The following ANKRD6 variants were observed in gnomAD, a reference collection of about 807,000 sequenced individuals.
The protein encoded by ANKRD6 is ankyrin repeat domain 6.
Under a neutral mutation model 82.3 loss-of-function variants are expected in ANKRD6, and 56 were observed. The observed-to-expected ratio is 0.68, with a 90% CI of 0.55 to 0.85. ANKRD6 has a LOEUF of 0.85. Among genes scored for constraint, ANKRD6 ranks in the 40% least tolerant of loss-of-function variants. The pLI is 0.00. For missense variants in ANKRD6, 852 were observed against 907.6 expected (o/e 0.94, Z 0.79); for synonymous variants, 347 against 352.1 (o/e 0.99, Z 0.16).
chr6:89,603,032 G>A lies in ANKRD6; in HGVS notation c.223G>A (p.Asp75Asn). The change falls in exon 4 of 16, where the codon GAC becomes AAC. Residue 75 changes from aspartate (D) to asparagine (N), a missense_variant. By Grantham distance (23) the Asp-to-Asn change is conservative. Coordinates refer to ENST00000339746, the MANE Select transcript of ANKRD6 (RefSeq NM_001242809.2). ...GCDLDVQDDG[D>N]QTALHRATVV... ...CTGCCTTTGTGTCACTTTGCAGGGG[G>A]ACCAGACCGCCTTGCACCGGGCCAC... 6.2e-7 allele frequency: 1 copy of A among 1,602,014 alleles called. No homozygotes were observed. The highest frequency in any genetic ancestry group is 8.5e-7 in the Non-Finnish European group (1 of 1,174,760).
intron 3 of ANKRD6, among the ~76,000 whole-genome samples, chr6:89,601,201 G>A (rs1797068674): frequency 6.6e-6 from 1 of 152,120 alleles, no homozygotes; most frequent in South Asian, 2.1e-4. Flanking sequence ...ACCACTGCAA[G>A]GGTTCTCTTT....
intron 1 of ANKRD6, among the ~76,000 whole-genome samples, chr6:89,487,786 ACT>A (rs1167237774): frequency 6.6e-6 from 1 of 152,054 alleles, no homozygotes; most frequent in South Asian, 2.1e-4. Context: ...TAGTCCTCAG[ACT>A]CTCTTCCCTG....
At chr6:89,480,033 T>C (rs1228963013) in intron 1 of ANKRD6, among the ~76,000 whole-genome samples, 1 of 152,206 alleles carries the variant, frequency 6.6e-6, no homozygotes, top group Non-Finnish European at 1.5e-5. Flanking sequence ...CCCTTTTCTT[T>C]AAGTTCCTCC....
At chr6:89,608,731 C>T (rs1227945715) in intron 5 of ANKRD6, among the ~76,000 whole-genome samples, 1 of 152,124 alleles carries the variant, frequency 6.6e-6, no homozygotes, top group Non-Finnish European at 1.5e-5. Context: ...CCTCTCCAGT[C>T]CCTCATTACA....
chr6:89,579,470 G>A (rs1048038649), intron 2 of ANKRD6, among the ~76,000 whole-genome samples: 6 of 152,060 alleles, frequency 3.9e-5, no homozygotes, highest in African/African-American at 7.2e-5. Context: ...TCATGAGATC[G>A]CCATCAAGAC....
chr6:89,464,502 G>A (rs935161202), intron 1 of ANKRD6, among the ~76,000 whole-genome samples: 4 of 152,150 alleles, frequency 2.6e-5, no homozygotes, highest in Non-Finnish European at 4.4e-5. Context: ...CCTTTGTTTG[G>A]AGGCTAGAGC....
Position 89,613,877 on chromosome 6 carries a change from A to T in ANKRD6, c.602A>T (p.His201Leu), listed in dbSNP as rs1800842303. The T allele has an allele frequency of 6.2e-7, 1 of 1,613,844 alleles. No homozygotes were observed. The highest frequency in any genetic ancestry group is 8.5e-7 in the Non-Finnish European group (1 of 1,179,870). Residue 201 changes from histidine to leucine, a missense_variant, in exon 7 of 16, where the codon CAT (histidine) becomes CTT (leucine). Physicochemically the swap from His to Leu is moderately conservative, Grantham distance 99. Coordinates refer to ENST00000339746, the MANE Select transcript of ANKRD6 (RefSeq NM_001242809.2). Reference protein sequence around the residue: ...RLLLTAFCSVHEKNQAGDTAL... With the variant: ...RLLLTAFCSVLEKNQAGDTAL... ...CTCCTCACTGCTTTCTGTTCTGTCC[A>T]TGAAAAGAACCAGGTCAGTGCATGT... is the stretch of plus-strand genomic sequence containing the variant.
intron 2 of ANKRD6, among the ~76,000 whole-genome samples, chr6:89,590,632 A>C (rs891183617): frequency 6.6e-6 from 1 of 152,178 alleles, no homozygotes; most frequent in Non-Finnish European, 1.5e-5. Flanking sequence ...TGAGCTTCCT[A>C]AGGGTGAGAC....
At chr6:89,492,920 G>T (rs1054149380) in intron 1 of ANKRD6, among the ~76,000 whole-genome samples, 1 of 152,182 alleles carries the variant, frequency 6.6e-6, no homozygotes, top group Non-Finnish European at 1.5e-5. Context: ...TTCCTAAGCT[G>T]CATGACACAT....
chr6:89,446,344 C>A (rs543203444), intron 1 of ANKRD6, among the ~76,000 whole-genome samples: 2 of 152,116 alleles, frequency 1.3e-5, no homozygotes, highest in African/African-American at 4.8e-5. Flanking sequence ...AAGGGCGAAA[C>A]TTTGTCTCTA....
At chr6:89,456,822 A>C (rs901950512) in intron 1 of ANKRD6, among the ~76,000 whole-genome samples, 1 of 152,242 alleles carries the variant, frequency 6.6e-6, no homozygotes, top group African/African-American at 2.4e-5. Context: ...GTAGGGTAAA[A>C]TTATGCTCCA....
At chr6:89,505,683 T>G (rs1779757990) in intron 1 of ANKRD6, among the ~76,000 whole-genome samples, 1 of 151,836 alleles carries the variant, frequency 6.6e-6, no homozygotes, top group Admixed American at 6.6e-5. Flanking sequence ...CATATGGAGG[T>G]TCCTCAGAAA....
At chr6:89,556,611 CA>C (rs1465857117) in intron 1 of ANKRD6, among the ~76,000 whole-genome samples, 1 of 152,196 alleles carries the variant, frequency 6.6e-6, no homozygotes, top group East Asian at 1.9e-4. Flanking sequence ...ACATTAGCAA[CA>C]TTCAGTTAGA....
At chr6:89,606,608 C>G (rs1323488311) in intron 5 of ANKRD6, among the ~76,000 whole-genome samples, 1 of 152,118 alleles carries the variant, frequency 6.6e-6, no homozygotes. Context: ...GTAATCACAG[C>G]ACTTTGGGTG....
intron 1 of ANKRD6, among the ~76,000 whole-genome samples, chr6:89,516,892 A>C: frequency 6.6e-6 from 1 of 152,180 alleles, no homozygotes; most frequent in East Asian, 1.9e-4. Context: ...TTTTGGAGAC[A>C]GAGCTTTACT....
intron 1 of ANKRD6, among the ~76,000 whole-genome samples, chr6:89,436,894 A>G (rs1369218564): frequency 1.3e-5 from 2 of 152,180 alleles, no homozygotes; most frequent in South Asian, 4.1e-4. Context: ...AAGAGATGGA[A>G]GAAATAGCTA....
At chr6:89,453,988 A>G (rs891345101) in intron 1 of ANKRD6, among the ~76,000 whole-genome samples, 3 of 151,996 alleles carry the variant, frequency 2.0e-5, no homozygotes, top group Non-Finnish European at 4.4e-5. Flanking sequence ...TTTTTAGTAG[A>G]GACGGAGTTT....
At chr6:89,614,144 G>A (rs942050296) in intron 7 of ANKRD6, among the ~76,000 whole-genome samples, 1 of 152,182 alleles carries the variant, frequency 6.6e-6, no homozygotes, top group Non-Finnish European at 1.5e-5. Flanking sequence ...ATTTTCTGGA[G>A]ATCCTGGGGC....
At chr6:89,574,242 T>C (rs1379136741) in intron 2 of ANKRD6, among the ~76,000 whole-genome samples, 8 of 152,206 alleles carry the variant, frequency 5.3e-5, no homozygotes, top group African/African-American at 1.9e-4. Flanking sequence ...CTGTGCATTG[T>C]AGGGTATTTA....
Sources: allele counts gnomAD v4.1 joint callset (sites outside exome capture counted in the v4.1 genomes callset), GRCh38; gene constraint gnomAD v4.1.1; transcripts MANE v1.5; gene names NCBI Gene and HGNC (gene_info 2026-07-23, HGNC 2026-07-21).